The following NPR3 variants were observed in gnomAD, a reference collection of about 807,000 sequenced individuals.
The protein encoded by NPR3 is natriuretic peptide receptor 3.
NPR3 carries 34 observed loss-of-function variants against 54.5 expected under a neutral mutation model. The observed-to-expected ratio is 0.62, with a 90% confidence interval of 0.47 to 0.83. NPR3 has a LOEUF of 0.83. Among genes scored for constraint, NPR3 ranks in the 40% least tolerant of loss-of-function variants. NPR3 has a pLI of 0.00. For synonymous variants in NPR3, 289 were observed against 297.1 expected, an observed-to-expected ratio of 0.97 and a Z score of 0.28; for missense variants, 674 against 720.8, an observed-to-expected ratio of 0.94 and a Z score of 0.74.
At chr5:32,761,226 T>G (rs1190694059) in intron 3 of NPR3, among the ~76,000 whole-genome samples, 1 of 152,080 alleles carries the variant, frequency 6.6e-6, no homozygotes. Context: ...AAAAAAATCC[T>G]GGATTTTTGA....
intron 1 of NPR3, chr5:32,713,547 C>G (rs1738382020): frequency 1.2e-6 from 1 of 863,420 alleles, no homozygotes; most frequent in South Asian, 5.3e-5. Context: ...TCTCTGCTCC[C>G]CCTTGGCGCT....
chr5:32,695,961 C>T (rs1740521650), intron 1 of NPR3, among the ~76,000 whole-genome samples: 1 of 152,066 alleles, frequency 6.6e-6, no homozygotes, highest in Admixed American at 6.6e-5. Flanking sequence ...TTTTTTCTCC[C>T]ATTTTACGGG....
intron 3 of NPR3, among the ~76,000 whole-genome samples, chr5:32,758,404 T>C (rs28873094): frequency 0.14 from 20,856 of 152,210 alleles, 1,530 homozygotes; most frequent in South Asian, 0.21. Context: ...GTGTTTATAG[T>C]ATTCTCTGAT....
chr5:32,729,557 G>A (rs903188395), intron 2 of NPR3, among the ~76,000 whole-genome samples: 5 of 152,144 alleles, frequency 3.3e-5, no homozygotes, highest in African/African-American at 1.2e-4. Context: ...ATCATTGTAT[G>A]AACACCATAG....
chr5:32,772,777 A>G (rs1286996766), intron 3 of NPR3, among the ~76,000 whole-genome samples: 2 of 150,494 alleles, frequency 1.3e-5, no homozygotes, highest in African/African-American at 5.0e-5. Context: ...TTCTACATTT[A>G]TTAATTTTTT....
chr5:32,767,552 A>G (rs900826023), intron 3 of NPR3, among the ~76,000 whole-genome samples: 1 of 152,198 alleles, frequency 6.6e-6, no homozygotes, highest in Non-Finnish European at 1.5e-5. Flanking sequence ...AAATACTTCT[A>G]TTTCTAGAAC....
chr5:32,713,409 G>A, intron 1 of NPR3: 1 of 985,466 alleles, frequency 1.0e-6, no homozygotes, highest in Non-Finnish European at 1.2e-6. Context: ...ACGCGGACGT[G>A]TAATCGCCAG....
Position 32,789,489 on chromosome 5 carries a change from A to G in NPR3, c.*3144A>G, listed in dbSNP as rs1177580070. 2 of 534,706 alleles carry G rather than the reference A, an allele frequency of 3.7e-6. No individual in the cohort carries two copies. The highest frequency in any genetic ancestry group is 7.7e-6 in the Non-Finnish European group (2 of 260,084). 33.1% of individuals were successfully genotyped at this position (534,706 alleles called of 1,614,324 possible). On this transcript the variant is annotated 3_prime_UTR_variant, in exon 8 of 8. Coordinates refer to ENST00000265074, the MANE Select transcript of NPR3 (RefSeq NM_001204375.2). ...CCACAGGAATGGTTCTACAGACCCT[A>G]CTATAATTCTTCACATTTCAGAACC...
chr5:32,713,052 T>G (rs1738349487), intron 1 of NPR3: 1 of 526,156 alleles, frequency 1.9e-6, no homozygotes, highest in Non-Finnish European at 2.4e-6. Flanking sequence ...TGACTGTTGT[T>G]TCCACAGACC....
intron 1 of NPR3, among the ~76,000 whole-genome samples, chr5:32,720,291 G>T (rs993602175): frequency 6.6e-6 from 1 of 152,212 alleles, no homozygotes; most frequent in African/African-American, 2.4e-5. Context: ...TGTTGCGGGT[G>T]AGGGGAGTGT....
chr5:32,705,633 G>A (rs1737965918), upstream of NPR3, among the ~76,000 whole-genome samples: 2 of 152,146 alleles, frequency 1.3e-5, no homozygotes. Flanking sequence ...ACAGCACCAA[G>A]GGGGATGGTG....
At chr5:32,714,413 GC>G (rs1293624906) in intron 1 of NPR3, among the ~76,000 whole-genome samples, 7 of 152,194 alleles carry the variant, frequency 4.6e-5, no homozygotes, top group African/African-American at 1.7e-4. Context: ...GGGGACTGGT[GC>G]GCCCCGGGCT....
intron 2 of NPR3, among the ~76,000 whole-genome samples, chr5:32,727,107 A>G (rs1167396420): frequency 6.6e-6 from 1 of 152,146 alleles, no homozygotes; most frequent in Non-Finnish European, 1.5e-5. Flanking sequence ...TTGTTGGCTC[A>G]AAGGTTATGT....
chr5:32,710,427 T>C (rs1484911266), upstream of NPR3: 4 of 335,982 alleles, frequency 1.2e-5, no homozygotes, highest in Non-Finnish European at 2.1e-5. Flanking sequence ...GGGGATGCTT[T>C]CCAAGCTTTG....
intron 6 of NPR3, chr5:32,783,665 A>G (rs1256636708): frequency 2.6e-5 from 4 of 152,182 alleles, no homozygotes; most frequent in Admixed American, 2.6e-4. Flanking sequence ...TATCTTTTAA[A>G]CTGTTAGGTA....
chr5:32,743,987 ATTTTTTTTTTTT>A (rs199604802), intron 3 of NPR3, among the ~76,000 whole-genome samples: 36 of 113,834 alleles, frequency 3.2e-4, no homozygotes, highest in Non-Finnish European at 2.5e-4. Flanking sequence ...ATTCTGATGC[ATTTTTTTTTTTT>A]TTTTTTTTTT....
chr5:32,728,801 G>T (rs1739262809), intron 2 of NPR3, among the ~76,000 whole-genome samples: 1 of 118,050 alleles, frequency 8.5e-6, no homozygotes, highest in Non-Finnish European at 1.7e-5. Flanking sequence ...GCTTTTATTT[G>T]GATTTTGGAA....
chr5:32,764,644 C>A (rs187642057), intron 3 of NPR3, among the ~76,000 whole-genome samples: 1 of 151,364 alleles, frequency 6.6e-6, no homozygotes, highest in Admixed American at 6.6e-5. Context: ...AAAAGTTAGC[C>A]GGGCGTGGTG....
chr5:32,718,109 AG>A (rs1387294712), intron 1 of NPR3, among the ~76,000 whole-genome samples: 1 of 152,196 alleles, frequency 6.6e-6, no homozygotes, highest in Non-Finnish European at 1.5e-5. Context: ...TTTATTAAAT[AG>A]GGAATTCTTT....
Sources: allele counts gnomAD v4.1 joint callset (sites outside exome capture counted in the v4.1 genomes callset), GRCh38; gene constraint gnomAD v4.1.1; transcripts MANE v1.5; gene names NCBI Gene and HGNC (gene_info 2026-07-23, HGNC 2026-07-21).